Variants in RABEPK observed in about 807,000 individuals in gnomAD.
The protein encoded by RABEPK is 40 kDa Rab9 effector protein.
In RABEPK, 27 loss-of-function variants were observed where a neutral mutation model predicts 34.1. The observed-to-expected ratio is 0.79, with a 90% confidence interval of 0.58 to 1.09. RABEPK has a LOEUF of 1.09. Ranked by LOEUF, RABEPK falls within the 50% of genes least tolerant of loss-of-function variation. The probability of loss-of-function intolerance (pLI) is 0.00; values close to 1 mark genes in which losing one functional copy is unlikely to be tolerated. For synonymous variants in RABEPK, 172 were observed against 169.2 expected (o/e 1.02, Z -0.13); for missense variants, 449 against 462.6 (o/e 0.97, Z 0.27).
chr9:125,233,823 A>G lies in RABEPK; in HGVS notation c.962A>G (p.His321Arg), dbSNP rs1342189952. 6.2e-6 allele frequency: 10 copies of G among 1,614,080 alleles called. No individual in the cohort carries two copies. The highest frequency in any genetic ancestry group is 3.3e-5 in the Admixed American group (2 of 59,986). ...KEDSNSLTLN[H>R]EAEKEDSADK... is the part of the protein sequence containing the mutation. ...GATTCCAACTCTCTCACTCTGAACCATGAAGCTGAGAAAGAGGATTCAGCT... is the reference window on the plus strand; with the variant it reads ...GATTCCAACTCTCTCACTCTGAACCGTGAAGCTGAGAAAGAGGATTCAGCT... The change falls in exon 8 of 8, where the codon CAT (histidine) becomes CGT (arginine). Residue 321 changes from histidine (H) to arginine (R), a missense_variant. Coordinates refer to ENST00000373538, the MANE Select transcript of RABEPK (RefSeq NM_005833.4).
intron 5 of RABEPK, among the ~76,000 whole-genome samples, chr9:125,226,907 CGCCTGTA>C (rs1172737115): frequency 1.3e-5 from 2 of 149,378 alleles, no homozygotes; most frequent in African/African-American, 4.9e-5. Flanking sequence ...TGGTGACTCA[CGCCTGTA>C]ATCCCAGCAC....
At chr9:125,212,119 G>A (rs937395606) in intron 3 of RABEPK, among the ~76,000 whole-genome samples, 4 of 152,222 alleles carry the variant, frequency 2.6e-5, no homozygotes, top group African/African-American at 4.8e-5. Flanking sequence ...GCTCTATAAA[G>A]TAGGGATAAT....
At chr9:125,203,656 TG>T (rs966635372) in intron 2 of RABEPK, among the ~76,000 whole-genome samples, 36 of 152,318 alleles carry the variant, frequency 2.4e-4, no homozygotes, top group African/African-American at 8.4e-4. Context: ...GCATCTGTCT[TG>T]CTCTGTACCC....
rs1307075330 is a variant in RABEPK at position 125,213,465 on chromosome 9, G to C, written c.307G>C (p.Val103Leu). 2 of 1,614,044 alleles carry C rather than the reference G, an allele frequency of 1.2e-6. No individual in the cohort carries two copies. Among genetic ancestry groups the C allele is most frequent in the Non-Finnish European group, 8.5e-7 (1 of 1,180,000 alleles). Residue 103 changes from valine (V) to leucine (L), a missense_variant, in exon 4 of 8, where the codon GTA becomes CTA. Val to Leu is a conservative substitution (Grantham distance 32). Transcript: ENST00000373538. ...CTCCTGCACACCTGACCGTATCTGG[G>C]TATTTGGAGGTGCCAACCAATCAGG... The part of the protein sequence containing the change: ...IPSCTPDRIW[V>L]FGGANQSGNR...
In RABEPK at chr9:125,232,762, G is replaced by A. The variant is rs756415556; in HGVS notation, c.826+17G>A. 2 of 1,603,912 alleles carry A rather than the reference G, an allele frequency of 1.2e-6. No individual in the cohort carries two copies. Among genetic ancestry groups the A allele is most frequent in the East Asian group, 2.2e-5 (1 of 44,620 alleles). On this transcript the variant is annotated intron_variant, in intron 7 of 7. Coordinates refer to ENST00000373538, the MANE Select transcript of RABEPK (RefSeq NM_005833.4). ...ATCACACAGGTGAGCAGGTGTCCATGGGGGATCTTTAAACAAATCTAAACA... is the reference window on the plus strand; with the variant it reads ...ATCACACAGGTGAGCAGGTGTCCATAGGGGATCTTTAAACAAATCTAAACA...
chr9:125,222,406 T>A (rs1230338871), intron 5 of RABEPK: 1 of 152,050 alleles, frequency 6.6e-6, no homozygotes, highest in African/African-American at 2.4e-5. Flanking sequence ...ATCAATCTTT[T>A]TTTTTTAAGA....
chr9:125,200,616 C>A lies in RABEPK; in HGVS notation c.-297C>A. The A allele has an allele frequency of 2.2e-6, 1 of 459,714 alleles. No individual in the cohort carries two copies. Among genetic ancestry groups the A allele is most frequent in the Non-Finnish European group, 4.6e-6 (1 of 218,908 alleles). 28.5% of individuals were successfully genotyped at this position (459,714 alleles called of 1,614,324 possible). On this transcript the variant is annotated 5_prime_UTR_variant, in exon 1 of 8. Coordinates refer to ENST00000373538, the MANE Select transcript of RABEPK (RefSeq NM_005833.4). The stretch of plus-strand genomic sequence containing the variant: ...GGGCTGGAGGGTAGGGGCGAGGGTC[C>A]CCGGATACCGGGTCTATCACGGTCT...
chr9:125,227,818 C>G, intron 5 of RABEPK, 92 bp from the exon 6 acceptor site: 3 of 1,291,986 alleles, frequency 2.3e-6, no homozygotes, highest in Non-Finnish European at 3.1e-6. Context: ...GACAGCTCCG[C>G]TTGCTAGGAG....
intron 5 of RABEPK, 152 bp downstream of exon 5, chr9:125,220,852 A>G: frequency 9.5e-7 from 1 of 1,054,650 alleles, no homozygotes; most frequent in Non-Finnish European, 1.3e-6. Flanking sequence ...TCTTTTTCCC[A>G]CAGCAAAATT....
At chr9:125,214,321 A>G (rs1830776349) in intron 4 of RABEPK, among the ~76,000 whole-genome samples, 2 of 151,994 alleles carry the variant, frequency 1.3e-5, no homozygotes. Flanking sequence ...ACTGGCTTCT[A>G]GGGGGTAGAG....
chr9:125,216,314 C>T (rs1187991261), intron 4 of RABEPK, among the ~76,000 whole-genome samples: 2 of 151,966 alleles, frequency 1.3e-5, no homozygotes, highest in African/African-American at 4.8e-5. Flanking sequence ...GGACATTTTT[C>T]ACATGTCAGC....
chr9:125,231,150 A>C (rs1342563100), intron 6 of RABEPK, among the ~76,000 whole-genome samples: 1 of 151,818 alleles, frequency 6.6e-6, no homozygotes, highest in Non-Finnish European at 1.5e-5. Context: ...TAAAAATGCA[A>C]AAATTAGCCG....
chr9:125,234,074 A>G lies in RABEPK; in HGVS notation c.*94A>G, dbSNP rs764277588. On this transcript the variant is annotated 3_prime_UTR_variant, in exon 8 of 8. Coordinates refer to ENST00000373538, the MANE Select transcript of RABEPK (RefSeq NM_005833.4). The stretch of plus-strand genomic sequence containing the variant: ...ACCTCCAAAATATCTTCTGCATTAT[A>G]TATCTGTTTTTCTCCTACTTTGGTA... 3.1e-5 allele frequency: 39 copies of G among 1,267,922 alleles called. No homozygotes were observed. The highest frequency in any genetic ancestry group is 2.2e-4 in the Middle Eastern group (1 of 4,572). The allele number at this position is 1,267,922 out of a possible 1,614,324, so 78.5% of individuals were successfully genotyped here. A position where few individuals can be genotyped will look rare whatever the true frequency, so the allele number is the denominator to read the frequency against.
chr9:125,201,027 C>T (rs541137573), intron 1 of RABEPK, 121 bp downstream of exon 1: 1 of 357,714 alleles, frequency 2.8e-6, no homozygotes, highest in African/African-American at 2.1e-5. Flanking sequence ...CAGGCCCAGC[C>T]CTCTAGGAAC....
chr9:125,227,365 T>C (rs1311535793), intron 5 of RABEPK, among the ~76,000 whole-genome samples: 1 of 151,896 alleles, frequency 6.6e-6, no homozygotes, highest in Non-Finnish European at 1.5e-5. Flanking sequence ...GGGGCAGGCA[T>C]GTTTGGTAGT....
chr9:125,231,562 G>A (rs560920694), intron 6 of RABEPK, among the ~76,000 whole-genome samples: 6 of 152,182 alleles, frequency 3.9e-5, no homozygotes, highest in Admixed American at 3.9e-4. Context: ...CAGCACTCTG[G>A]GAGGCCGAGG....
chr9:125,214,598 C>T (rs1830801907), intron 4 of RABEPK, among the ~76,000 whole-genome samples: 1 of 152,104 alleles, frequency 6.6e-6, no homozygotes, highest in Non-Finnish European at 1.5e-5. Context: ...AGTTTGGGAA[C>T]GTCGCTACTG....
chr9:125,227,430 T>C (rs1264795498), intron 5 of RABEPK, among the ~76,000 whole-genome samples: 1 of 151,706 alleles, frequency 6.6e-6, no homozygotes, highest in Non-Finnish European at 1.5e-5. Flanking sequence ...CTTTTTTTTT[T>C]CTTTTTTTTA....
At position 125,227,050 on chromosome 9, in the gene RABEPK, A is replaced by G. The variant is rs1211087412; in HGVS notation, c.527-860A>G. Among the ~76,000 whole-genome samples, 5 of 141,454 alleles carry G rather than the reference A, an allele frequency of 3.5e-5. No homozygotes were observed. In the South Asian group the frequency reaches 1.1e-3, roughly 33 times the overall value. 92.8% of individuals were successfully genotyped at this position (141,454 alleles called of 152,430 possible). A position where few individuals can be genotyped will look rare whatever the true frequency, so the allele number is the denominator to read the frequency against. ...CTGCATGTGGTGTTGCATGCCTGTA[A>G]TCCCAGCTACTCTGGAGGCTGAGGC... On this transcript the variant is annotated intron_variant, in intron 5 of 7. Coordinates refer to ENST00000373538, the MANE Select transcript of RABEPK (RefSeq NM_005833.4).
Sources: gnomAD v4.1 joint callset for allele counts (sites outside exome capture counted in the v4.1 genomes callset) on GRCh38, gnomAD v4.1.1 for gene constraint, MANE v1.5 for transcripts, NCBI Gene and HGNC (gene_info 2026-07-23, HGNC 2026-07-21) for gene names.